Variants in ANXA9 observed in about 807,000 individuals in gnomAD.
ANXA9 encodes the protein annexin 31.
In ANXA9, 47 loss-of-function variants were observed where a neutral mutation model predicts 51.8. The observed-to-expected ratio is 0.91, with a 90% CI of 0.72 to 1.16. The LOEUF (loss-of-function observed/expected upper bound fraction) is 1.16. ANXA9 is among the 50% of genes most tolerant of loss of function. The pLI, the probability that ANXA9 is intolerant of heterozygous loss-of-function variation, is 0.00. For missense variants in ANXA9, 361 were observed against 424.7 expected (o/e 0.85, Z 1.32); for synonymous variants, 154 against 168.7 (o/e 0.91, Z 0.68).
chr1:150,994,350 G>T (rs1316609916), intron 12 of ANXA9, among the ~76,000 whole-genome samples: 4 of 152,152 alleles, frequency 2.6e-5, no homozygotes, highest in Non-Finnish European at 1.5e-5. Flanking sequence ...CATGTGGAAA[G>T]AAATAAATAC....
intron 13 of ANXA9, among the ~76,000 whole-genome samples, chr1:150,995,057 A>C (rs1671811990): frequency 6.6e-6 from 1 of 152,172 alleles, no homozygotes; most frequent in South Asian, 2.1e-4. Context: ...GTGCCACTGC[A>C]CTCCCACCTG....
At chr1:150,987,783 G>T in intron 9 of ANXA9, 89 bp from the exon 10 acceptor site, 1 of 1,013,450 alleles carries the variant, frequency 9.9e-7, no homozygotes, top group Non-Finnish European at 1.5e-6. Flanking sequence ...TCATGATGAT[G>T]ATAGATTCTG....
chr1:150,989,557 G>A (rs1208866840), intron 12 of ANXA9, among the ~76,000 whole-genome samples: 1 of 152,010 alleles, frequency 6.6e-6, no homozygotes, highest in Non-Finnish European at 1.5e-5. Flanking sequence ...CAGGCATGGT[G>A]GCAGGCACCT....
At chr1:150,978,504 G>A (rs1487299252), upstream of ANXA9, among the ~76,000 whole-genome samples, 3 of 152,168 alleles carry the variant, frequency 2.0e-5, no homozygotes, top group South Asian at 4.1e-4. Context: ...TGGAGGCGGT[G>A]TATGTGGCTG....
chr1:150,987,023 C>T (rs1427622431), intron 9 of ANXA9, among the ~76,000 whole-genome samples: 1 of 151,998 alleles, frequency 6.6e-6, no homozygotes, highest in African/African-American at 2.4e-5. Context: ...CTCTCTTAGC[C>T]CTATTTCTTT....
chr1:150,982,376 CTGAG>C lies in ANXA9; in HGVS notation c.-115_-114+2del, dbSNP rs1185395267. The C allele has an allele frequency of 1.3e-5, 2 of 152,668 alleles. No homozygotes were observed. The highest frequency in any genetic ancestry group is 3.9e-4 in the East Asian group (2 of 5,192). 9.5% of individuals were successfully genotyped at this position (152,668 alleles called of 1,614,324 possible). On this transcript the variant is annotated splice_donor_variant and 5_prime_UTR_variant, in exon 1 of 14. Transcript: ENST00000368947. LOFTEE classifies it low-confidence loss of function (5UTR_SPLICE). Reference sequence around the variant, plus strand: ...GACACCCACCTCACCTCTGGCACCTCTGAGTAAGTACTGGGCCCACGGCCCCATG... The same window carrying C: ...GACACCCACCTCACCTCTGGCACCTCTAAGTACTGGGCCCACGGCCCCATG...
intron 8 of ANXA9, 92 bp from the exon 9 acceptor site, chr1:150,986,510 G>C (rs1248654794): frequency 1.3e-6 from 2 of 1,576,312 alleles, no homozygotes; most frequent in Non-Finnish European, 1.7e-6. Context: ...ATGGACAAGA[G>C]AGGGCTTTAG....
Position 150,983,191 on chromosome 1 carries a change from T to C in ANXA9, c.75+11T>C. 6.2e-6 allele frequency: 10 copies of C among 1,613,310 alleles called. No homozygotes were observed. Among genetic ancestry groups the C allele is most frequent in the Non-Finnish European group, 8.5e-6 (10 of 1,179,560 alleles). ...GGCCTGGCCAGCAAGGTAGGGGCTG[T>C]TGGGATTTTAGAGATCACTTTTAGT... On this transcript the variant is annotated intron_variant, in intron 3 of 13. Coordinates refer to ENST00000368947, the MANE Select transcript of ANXA9 (RefSeq NM_003568.3).
intron 12 of ANXA9, among the ~76,000 whole-genome samples, chr1:150,990,606 G>T (rs1224865331): frequency 2.6e-5 from 4 of 152,244 alleles, no homozygotes; most frequent in African/African-American, 9.6e-5. Flanking sequence ...CAGGACTTTG[G>T]TAGGCTGAGG....
chr1:150,983,351 G>T lies in ANXA9; in HGVS notation c.89G>T (p.Gly30Val), dbSNP rs1237651744. Reference protein sequence around the residue: ...LGLASKTAAWGTLGTLRTFLN... With the variant: ...LGLASKTAAWVTLGTLRTFLN... ...GTGCTCCCACAGACTGCAGCGTGGG[G>T]GACCCTGGGCACCCTCAGGACCTTC... Residue 30 changes from glycine to valine, a missense_variant, in exon 4 of 14, where the codon GGG becomes GTG. Physicochemically the swap from Gly to Val is moderately radical, Grantham distance 109. Coordinates refer to ENST00000368947, the MANE Select transcript of ANXA9 (RefSeq NM_003568.3). The T allele has an allele frequency of 1.9e-6, 3 of 1,613,934 alleles. No individual in the cohort carries two copies. The highest frequency in any genetic ancestry group is 1.3e-5 in the African/African-American group (1 of 74,926).
Position 150,987,922 on chromosome 1 carries a change from C to T in ANXA9, c.663C>T (p.Val221=). 1 of 1,614,096 alleles carries T rather than the reference C, an allele frequency of 6.2e-7. No homozygotes were observed. The highest frequency in any genetic ancestry group is 1.1e-5 in the South Asian group (1 of 91,084). ...GCAGAGAGGAAACATGGGTCCCAGTCTTCACCCAGCGAAATCCTGAACACC... is the reference window on the plus strand; with the variant it reads ...GCAGAGAGGAAACATGGGTCCCAGTTTTCACCCAGCGAAATCCTGAACACC... ...GPSREETWVP[V]FTQRNPEHLI... The change falls in exon 10 of 14, where the codon GTC becomes GTT. Residue 221 remains valine (V), a synonymous_variant. Coordinates refer to ENST00000368947, the MANE Select transcript of ANXA9 (RefSeq NM_003568.3).
At chr1:150,986,698 GC>G (rs1402059303) in intron 9 of ANXA9, 37 bp downstream of exon 9, 2 of 1,545,512 alleles carry the variant, frequency 1.3e-6, no homozygotes, top group Admixed American at 4.5e-5. Flanking sequence ...CAGCCGCCAT[GC>G]ACATAAGATG....
chr1:150,993,696 G>A (rs1158613599), intron 12 of ANXA9, among the ~76,000 whole-genome samples: 5 of 143,990 alleles, frequency 3.5e-5, no homozygotes, highest in African/African-American at 5.2e-5. Context: ...GTGCAGTGGC[G>A]CGATCTCAGC....
At chr1:150,982,781 G>A (rs979234249) in intron 2 of ANXA9, among the ~76,000 whole-genome samples, 198 bp downstream of exon 2, 3 of 152,298 alleles carry the variant, frequency 2.0e-5, no homozygotes, top group African/African-American at 4.8e-5. Context: ...CATCTACCGC[G>A]GACCAAGGCC....
In ANXA9 at chr1:150,986,592, C is replaced by G; in HGVS notation, c.553-10C>G. 1 of 1,610,580 alleles carries G rather than the reference C, an allele frequency of 6.2e-7. No individual in the cohort carries two copies. Among genetic ancestry groups the G allele is most frequent in the Non-Finnish European group, 8.5e-7 (1 of 1,178,818 alleles). Reference sequence around the variant, plus strand: ...TCAAAGAGCCCTCTAAGAACAGTTTCTCCTCCTAGGGGGGCCGTGACAGCT... The same window carrying G: ...TCAAAGAGCCCTCTAAGAACAGTTTGTCCTCCTAGGGGGGCCGTGACAGCT... On this transcript the variant is annotated splice_polypyrimidine_tract_variant and intron_variant, in intron 8 of 13. Transcript: ENST00000368947.
upstream of ANXA9, among the ~76,000 whole-genome samples, chr1:150,977,386 G>C (rs1383505483): frequency 1.3e-5 from 2 of 152,172 alleles, no homozygotes; most frequent in East Asian, 3.8e-4. Flanking sequence ...CAGCACGCTT[G>C]GGGAGCATAC....
At chr1:150,983,644 A>G (rs1671475523) in intron 4 of ANXA9, among the ~76,000 whole-genome samples, 1 of 152,150 alleles carries the variant, frequency 6.6e-6, no homozygotes, top group Admixed American at 6.5e-5. Flanking sequence ...CCAGATGAGG[A>G]AACTGGGGCT....
chr1:150,986,471 G>A (rs1185215731), intron 8 of ANXA9, 56 bp downstream of exon 8: 11 of 1,591,066 alleles, frequency 6.9e-6, no homozygotes, highest in African/African-American at 6.7e-5. Flanking sequence ...AAGGAGACAC[G>A]CTGGAGCAGG....
chr1:150,995,000 G>C (rs909824231), intron 13 of ANXA9: 3 of 262,626 alleles, frequency 1.1e-5, no homozygotes, highest in African/African-American at 2.3e-5. Flanking sequence ...GCTGAGGCAG[G>C]AGAGTCGCTT....
Sources: allele counts gnomAD v4.1 joint callset (sites outside exome capture counted in the v4.1 genomes callset), GRCh38; gene constraint gnomAD v4.1.1; transcripts MANE v1.5; gene names NCBI Gene and HGNC (gene_info 2026-07-23, HGNC 2026-07-21).